The following SARS2 variants were observed in gnomAD, a reference collection of about 807,000 sequenced individuals.
SARS2 encodes the protein seryl-tRNA synthetase 2, mitochondrial, also known as serine--tRNA ligase, mitochondrial.
In SARS2, 52 loss-of-function variants were observed where a neutral mutation model predicts 66.8. The observed-to-expected ratio is 0.78, with a 90% confidence interval of 0.62 to 0.98. SARS2 has a LOEUF of 0.98. Ranked by LOEUF, SARS2 falls within the 50% of genes least tolerant of loss-of-function variation. The pLI, the probability that SARS2 is intolerant of heterozygous loss-of-function variation, is 0.00. For synonymous variants in SARS2, 306 were observed against 281.4 expected, an observed-to-expected ratio of 1.09 and a Z score of -0.87; for missense variants, 673 against 706.3, an observed-to-expected ratio of 0.95 and a Z score of 0.53.
At chr19:38,921,002 T>G (rs1974519020) in intron 5 of SARS2, among the ~76,000 whole-genome samples, 1 of 130,626 alleles carries the variant, frequency 7.7e-6, no homozygotes, top group Admixed American at 7.7e-5. Context: ...CACACACAGA[T>G]ACAGACACAC....
At chr19:38,927,639 G>A (rs1328330408) in intron 1 of SARS2, among the ~76,000 whole-genome samples, 1 of 151,914 alleles carries the variant, frequency 6.6e-6, no homozygotes, top group East Asian at 1.9e-4. Flanking sequence ...CATGGCAGCC[G>A]TACCACTTTA....
At chr19:38,919,704 C>G (rs556217011) in intron 7 of SARS2, 58 bp downstream of exon 7, 3 of 1,385,056 alleles carry the variant, frequency 2.2e-6, no homozygotes, top group Non-Finnish European at 3.1e-6. Context: ...CCGTTGGGCC[C>G]TCTGAGCTCA....
chr19:38,929,639 C>T (rs555725121), intron 1 of SARS2, among the ~76,000 whole-genome samples: 3 of 151,760 alleles, frequency 2.0e-5, no homozygotes, highest in African/African-American at 7.3e-5. Flanking sequence ...TTCCCAGTTG[C>T]ATGACCTAGC....
intron 1 of SARS2, among the ~76,000 whole-genome samples, chr19:38,927,801 G>A (rs1313197824): frequency 6.6e-6 from 1 of 151,968 alleles, no homozygotes; most frequent in African/African-American, 2.4e-5. Flanking sequence ...TTGGGAGGCC[G>A]AGGCAGGTGG....
chr19:38,917,794 T>G lies in SARS2; in HGVS notation c.1090A>C (p.Ser364Arg). The stretch of plus-strand genomic sequence containing the variant: ...AGGAACTCCTCCAGCAGCTGTGAGC[T>G]CTGCTCCAGCCCAGGGCCTGTCACC... The part of the protein sequence containing the change: ...FGVTGPGLEQ[S>R]SQLLEEFLSL... Residue 364 changes from serine (S) to arginine (R), a missense_variant, in exon 12 of 16, where the codon AGC (serine) becomes CGC (arginine). Transcript: ENST00000221431. The G allele has an allele frequency of 6.2e-7, 1 of 1,613,970 alleles. No individual in the cohort carries two copies. Among genetic ancestry groups the G allele is most frequent in the Non-Finnish European group, 8.5e-7 (1 of 1,179,936 alleles).
chr19:38,921,546 T>G lies in SARS2; in HGVS notation c.515A>C (p.Asn172Thr). 3.7e-6 allele frequency: 6 copies of G among 1,614,172 alleles called. No individual in the cohort carries two copies. Among genetic ancestry groups the G allele is most frequent in the Non-Finnish European group, 4.2e-6 (5 of 1,180,006 alleles). Residue 172 changes from asparagine to threonine, a missense_variant, in exon 4 of 16, where the codon AAC (asparagine) becomes ACC (threonine). Asn to Thr is a moderately conservative substitution (Grantham distance 65, BLOSUM62 0). Transcript: ENST00000221431. ...GCTCACCACGTCTGGGTGGGTCTGG[T>G]TGGGCAGCTTCAGCGCCTGCAGGTA... is the stretch of plus-strand genomic sequence containing the variant. ...QFYLQALKLP[N>T]QTHPDVPVGD...
intron 5 of SARS2, among the ~76,000 whole-genome samples, chr19:38,920,944 CACACACAGACACAGACACAGATACAG>C (rs1974514615): frequency 9.1e-6 from 1 of 109,422 alleles, no homozygotes; most frequent in South Asian, 3.3e-4. Context: ...CATAGACACA[CACACACAGACACAGACACAGATACAG>C]ACACACACAA....
intron 2 of SARS2, among the ~76,000 whole-genome samples, chr19:38,925,756 T>C (rs1974615636): frequency 6.6e-6 from 1 of 152,138 alleles, no homozygotes; most frequent in South Asian, 2.1e-4. Flanking sequence ...TAATCAGCCC[T>C]AGGGATGCCA....
At position 38,918,142 on chromosome 19, in the gene SARS2, G is replaced by T. The variant is rs910348716; in HGVS notation, c.917-3C>A. The T allele has an allele frequency of 6.3e-7, 1 of 1,595,338 alleles. No individual in the cohort carries two copies. The highest frequency in any genetic ancestry group is 1.3e-5 in the African/African-American group (1 of 74,794). On this transcript the variant is annotated splice_polypyrimidine_tract_variant and splice_region_variant and intron_variant, in intron 9 of 15. Transcript: ENST00000221431. ...CACGGTGTGGTCCATGAAGTAGCCT[G>T]GGAGGAGAGACCACAGGGTGAGCCA...
At chr19:38,919,424 T>C (rs551564250) in intron 7 of SARS2, among the ~76,000 whole-genome samples, 1 of 152,226 alleles carries the variant, frequency 6.6e-6, no homozygotes, top group Non-Finnish European at 1.5e-5. Context: ...CATGTTTCAA[T>C]GGATGCTATG....
chr19:38,917,646 C>T (rs1025820470), intron 12 of SARS2, 78 bp downstream of exon 12: 30 of 927,680 alleles, frequency 3.2e-5, no homozygotes, highest in Admixed American at 2.3e-4. Flanking sequence ...GGTTCCAGAG[C>T]GAAGAGCAGC....
At position 38,918,997 on chromosome 19, in the gene SARS2, C is replaced by T. The variant is rs12459197; in HGVS notation, c.760-184G>A. ...GCTGAGGTGGGCGGATCACTTGAGG[C>T]CAGGAGTTTGAGACCAGCCTGGCCA... is the stretch of plus-strand genomic sequence containing the variant. On this transcript the variant is annotated intron_variant, in intron 7 of 15. Coordinates refer to ENST00000221431, the MANE Select transcript of SARS2 (RefSeq NM_017827.4). Among the ~76,000 whole-genome samples, 27,980 of 152,010 alleles carry T rather than the reference C, an allele frequency of 0.18. 2,727 individuals are homozygous for T. The highest frequency in any genetic ancestry group is 0.29 in the East Asian group (1,504 of 5,140).
chr19:38,929,208 ATG>A (rs1333144136), intron 1 of SARS2, among the ~76,000 whole-genome samples: 4 of 151,942 alleles, frequency 2.6e-5, no homozygotes, highest in Non-Finnish European at 5.9e-5. Flanking sequence ...CAAAAAAAAA[ATG>A]TCTTTTACTA....
intron 1 of SARS2, among the ~76,000 whole-genome samples, chr19:38,929,666 C>A (rs1974695708): frequency 6.6e-6 from 1 of 151,938 alleles, no homozygotes; most frequent in African/African-American, 2.4e-5. Context: ...GAATTAGCTT[C>A]TCGAAGCCTT....
At chr19:38,929,345 A>C (rs552542589) in intron 1 of SARS2, among the ~76,000 whole-genome samples, 1 of 152,090 alleles carries the variant, frequency 6.6e-6, no homozygotes, top group Non-Finnish European at 1.5e-5. Context: ...ACTTGGGCGC[A>C]GGAGTTCAAG....
At position 38,930,542 on chromosome 19, in the gene SARS2, T is replaced by C. The variant is rs1464931558; in HGVS notation, c.195A>G (p.Ala65=). The stretch of plus-strand genomic sequence containing the variant: ...GGGCGTGTGCGGCCTCTTCTGGGCA[T>C]GCGCAGAACCGCTCTATGTCCAGCT... ...LPQLDIERFC[A]CPEEAAHALE... The change falls in exon 1 of 16, where the codon GCA becomes GCG. Residue 65 remains alanine (A), a synonymous_variant. Transcript: ENST00000221431. 6.2e-7 allele frequency: 1 copy of C among 1,613,642 alleles called. No individual in the cohort carries two copies. Among genetic ancestry groups the C allele is most frequent in the East Asian group, 2.2e-5 (1 of 44,878 alleles).
chr19:38,926,164 C>G (rs1392557680), intron 2 of SARS2, 41 bp downstream of exon 2: 1 of 1,514,896 alleles, frequency 6.6e-7, no homozygotes, highest in Admixed American at 1.7e-5. Context: ...CTAGAGACAC[C>G]CTCGTGGCCA....
intron 12 of SARS2, among the ~76,000 whole-genome samples, chr19:38,917,025 T>C (rs929633202): frequency 6.6e-6 from 1 of 151,060 alleles, no homozygotes; most frequent in African/African-American, 2.4e-5. Context: ...TGCAGTGGCA[T>C]GATCACAGCT....
chr19:38,926,419 A>G (rs1315370979), intron 1 of SARS2, 119 bp from the exon 2 acceptor site: 4 of 856,006 alleles, frequency 4.7e-6, no homozygotes, highest in Non-Finnish European at 7.6e-6. Context: ...CCTAGCCCTC[A>G]GTGGCCATCC....
Sources: gnomAD v4.1 joint callset for allele counts (sites outside exome capture counted in the v4.1 genomes callset) on GRCh38, gnomAD v4.1.1 for gene constraint, MANE v1.5 for transcripts, NCBI Gene and HGNC (gene_info 2026-07-23, HGNC 2026-07-21) for gene names.